The following NALF1 variants were observed in gnomAD, a reference collection of about 807,000 sequenced individuals.
NALF1 encodes the protein NALCN channel auxiliary factor 1, also known as family with sequence similarity 155 member A.
NALF1 carries 3 observed loss-of-function variants against 48.4 expected under a neutral mutation model. That is an observed-to-expected ratio of 0.06 (90% CI 0.03 to 0.16). NALF1 has a LOEUF of 0.16. NALF1 is among the 10% of genes least tolerant of loss of function. The pLI, the probability that NALF1 is intolerant of heterozygous loss-of-function variation, is 1.00. For missense variants in NALF1, 526 were observed against 571.5 expected (o/e 0.92, Z 0.81); for synonymous variants, 262 against 245.7 (o/e 1.07, Z -0.62).
intron 1 of NALF1, among the ~76,000 whole-genome samples, chr13:107,399,465 C>CACAG (rs1213112680): frequency 6.6e-6 from 1 of 151,948 alleles, no homozygotes; most frequent in African/African-American, 2.4e-5. Flanking sequence ...TACACACACA[C>CACAG]ACAGCATAGA....
chr13:107,371,993 C>T (rs919949444), intron 1 of NALF1, among the ~76,000 whole-genome samples: 15 of 152,152 alleles, frequency 9.9e-5, no homozygotes, highest in Non-Finnish European at 1.3e-4. Context: ...TCTCCCACCC[C>T]GAAGAGGCCG....
At chr13:107,503,742 GGTGTGTGTGTTTGTGTGT>G (rs768334034) in intron 1 of NALF1, among the ~76,000 whole-genome samples, 7,110 of 79,016 alleles carry the variant, frequency 0.09, 372 homozygotes, top group African/African-American at 0.17. Flanking sequence ...ATGTGTGTCT[GGTGTGTGTGTTTGTGTGT>G]GTGTGTGTGT....
At position 107,170,557 on chromosome 13, in the gene NALF1, T is replaced by A. The variant is rs758262875; in HGVS notation, c.1317A>T (p.Thr439=). Residue 439 remains threonine, a synonymous_variant, in exon 3 of 3, where the codon ACA becomes ACT. Coordinates refer to ENST00000375915, the MANE Select transcript of NALF1 (RefSeq NM_001080396.3). Reference sequence around the variant, plus strand: ...TGATGCCTCCAAAGCTCAGTCCGGCTGTGTTCTGTGCTGCCGAGGCTGTGA... The same window carrying A: ...TGATGCCTCCAAAGCTCAGTCCGGCAGTGTTCTGTGCTGCCGAGGCTGTGA... ...TVLTASAAQN[T]AGLSFGGINT... The A allele has an allele frequency of 6.2e-7, 1 of 1,614,072 alleles. No individual in the cohort carries two copies. The highest frequency in any genetic ancestry group is 8.5e-7 in the Non-Finnish European group (1 of 1,180,000).
At chr13:107,512,691 C>T (rs191484777) in intron 1 of NALF1, among the ~76,000 whole-genome samples, 1 of 152,008 alleles carries the variant, frequency 6.6e-6, no homozygotes, top group African/African-American at 2.4e-5. Context: ...CAGTTTTTGC[C>T]GAAATTTCTA....
chr13:107,748,579 C>G (rs1876846794), intron 1 of NALF1, among the ~76,000 whole-genome samples: 1 of 152,162 alleles, frequency 6.6e-6, no homozygotes, highest in African/African-American at 2.4e-5. Flanking sequence ...ACAATGTAAA[C>G]TCTCAATAAA....
chr13:107,312,280 G>A (rs968385784), intron 1 of NALF1, among the ~76,000 whole-genome samples: 10 of 152,126 alleles, frequency 6.6e-5, no homozygotes, highest in African/African-American at 2.4e-4. Flanking sequence ...TAGGGACATG[G>A]ATGAAGCTGG....
chr13:107,635,276 G>C (rs376580650), intron 1 of NALF1, among the ~76,000 whole-genome samples: 72 of 152,040 alleles, frequency 4.7e-4, no homozygotes, highest in African/African-American at 1.6e-3. Flanking sequence ...CTCATGGCTC[G>C]GGAGGCCTCA....
chr13:107,451,026 A>T (rs1884730907), intron 1 of NALF1, among the ~76,000 whole-genome samples: 1 of 152,178 alleles, frequency 6.6e-6, no homozygotes, highest in African/African-American at 2.4e-5. Context: ...AAAGGATGTG[A>T]ACCTTCTGAA....
At chr13:107,482,902 T>C (rs1179762922) in intron 1 of NALF1, among the ~76,000 whole-genome samples, 4 of 152,200 alleles carry the variant, frequency 2.6e-5, no homozygotes, top group African/African-American at 9.6e-5. Context: ...ATTAACACTC[T>C]GTCATCCTCC....
chr13:107,719,861 C>T (rs1362946724), intron 1 of NALF1, among the ~76,000 whole-genome samples: 2 of 152,108 alleles, frequency 1.3e-5, no homozygotes, highest in East Asian at 3.9e-4. Flanking sequence ...CTCCCCTTGC[C>T]GAACTTCATT....
At chr13:107,401,861 A>G (rs573377733) in intron 1 of NALF1, among the ~76,000 whole-genome samples, 1 of 152,278 alleles carries the variant, frequency 6.6e-6, no homozygotes, top group Non-Finnish European at 1.5e-5. Flanking sequence ...TTTTATACAA[A>G]TAGTTTGATT....
At chr13:107,814,734 T>C (rs963234912) in intron 1 of NALF1, among the ~76,000 whole-genome samples, 2 of 152,076 alleles carry the variant, frequency 1.3e-5, no homozygotes, top group Admixed American at 6.6e-5. Flanking sequence ...AAACAATAAT[T>C]GGACATGGCA....
intron 1 of NALF1, among the ~76,000 whole-genome samples, chr13:107,490,476 C>T (rs1417646616): frequency 2.0e-5 from 3 of 152,156 alleles, no homozygotes; most frequent in Non-Finnish European, 4.4e-5. Flanking sequence ...ATACGAAATA[C>T]TGCATGTACT....
intron 1 of NALF1, among the ~76,000 whole-genome samples, chr13:107,432,081 T>C (rs9514686): frequency 0.21 from 32,627 of 152,074 alleles, 3,977 homozygotes; most frequent in Middle Eastern, 0.28. Flanking sequence ...CCAGGAAATG[T>C]GGAGGTGTCA....
intron 1 of NALF1, among the ~76,000 whole-genome samples, chr13:107,231,510 T>C (rs964676919): frequency 1.3e-5 from 2 of 152,210 alleles, no homozygotes; most frequent in African/African-American, 4.8e-5. Flanking sequence ...AAAAAACGTC[T>C]TTACATGGAA....
chr13:107,483,019 G>C (rs1324797727), intron 1 of NALF1, among the ~76,000 whole-genome samples: 1 of 152,104 alleles, frequency 6.6e-6, no homozygotes, highest in Non-Finnish European at 1.5e-5. Flanking sequence ...GTAGTACTTA[G>C]GGGTGTTGGA....
chr13:107,222,467 G>A (rs1880014708), intron 1 of NALF1, among the ~76,000 whole-genome samples: 1 of 152,102 alleles, frequency 6.6e-6, no homozygotes, highest in Admixed American at 6.6e-5. Flanking sequence ...GAGCACAAGT[G>A]ATTGCAAAGG....
At chr13:107,363,636 A>AT (rs1883103603) in intron 1 of NALF1, among the ~76,000 whole-genome samples, 1 of 152,180 alleles carries the variant, frequency 6.6e-6, no homozygotes, top group African/African-American at 2.4e-5. Context: ...ATATTAATTA[A>AT]TTTTTTAAAA....
At chr13:107,785,165 T>C (rs1878036466) in intron 1 of NALF1, among the ~76,000 whole-genome samples, 1 of 151,984 alleles carries the variant, frequency 6.6e-6, no homozygotes, top group Non-Finnish European at 1.5e-5. Context: ...GTTTTGTAAG[T>C]AAATCTTATA....
Sources: allele counts gnomAD v4.1 joint callset (sites outside exome capture counted in the v4.1 genomes callset), GRCh38; gene constraint gnomAD v4.1.1; transcripts MANE v1.5; gene names NCBI Gene and HGNC (gene_info 2026-07-23, HGNC 2026-07-21).